The following LRRTM4 variants were observed in gnomAD, a reference collection of about 807,000 sequenced individuals.
The protein encoded by LRRTM4 is leucine-rich repeat transmembrane neuronal protein 4.
A neutral mutation model predicts 47.6 loss-of-function variants in LRRTM4; 25 were observed. The observed-to-expected ratio is 0.53, with a 90% confidence interval of 0.38 to 0.73. The LOEUF (loss-of-function observed/expected upper bound fraction) is 0.73, where lower values mean the gene tolerates loss of function less well. LRRTM4 is among the 30% of genes least tolerant of loss of function. The pLI, the probability that LRRTM4 is intolerant of heterozygous loss-of-function variation, is 0.00. For missense variants in LRRTM4, 638 were observed against 713.4 expected, an observed-to-expected ratio of 0.89 and a Z score of 1.20; for synonymous variants, 311 against 269.5, an observed-to-expected ratio of 1.15 and a Z score of -1.51.
intron 3 of LRRTM4, among the ~76,000 whole-genome samples, chr2:77,138,658 C>T (rs190858523): frequency 2.6e-4 from 40 of 152,130 alleles, no homozygotes; most frequent in African/African-American, 8.4e-4. Context: ...TATAAAAAAC[C>T]CTTCAAAAAA....
intron 3 of LRRTM4, among the ~76,000 whole-genome samples, chr2:77,362,146 A>AAAGAAAGAAAGAAAGAAAGAAAGGAAGG (rs1558707350): frequency 2.2e-5 from 3 of 137,288 alleles, no homozygotes; most frequent in African/African-American, 1.0e-4. Context: ...AGAAAGAAAG[A>AAAGAAAGAAAGAAAGAAAGAAAGGAAGG]AAGAAAGAAA....
chr2:77,143,710 C>A (rs1672185314), intron 3 of LRRTM4, among the ~76,000 whole-genome samples: 1 of 152,060 alleles, frequency 6.6e-6, no homozygotes, highest in Non-Finnish European at 1.5e-5. Context: ...AGAGAAACAC[C>A]AATCAACTCA....
chr2:76,939,153 G>GA (rs34196243), intron 3 of LRRTM4, among the ~76,000 whole-genome samples: 44,233 of 150,656 alleles, frequency 0.29, 8,311 homozygotes, highest in African/African-American at 0.54. Context: ...ACCTGTTACT[G>GA]AAAAAAAAAT....
chr2:77,462,157 C>T (rs1334283464), intron 3 of LRRTM4, among the ~76,000 whole-genome samples: 2 of 152,028 alleles, frequency 1.3e-5, no homozygotes, highest in African/African-American at 4.8e-5. Context: ...TCTTATTATG[C>T]CCTATTGTAA....
chr2:77,189,107 A>T (rs1236970720), intron 3 of LRRTM4, among the ~76,000 whole-genome samples: 1 of 149,778 alleles, frequency 6.7e-6, no homozygotes, highest in African/African-American at 2.5e-5. Flanking sequence ...AACAAATTTC[A>T]AATAAAAAAA....
At chr2:77,292,287 G>A (rs1676846868) in intron 3 of LRRTM4, among the ~76,000 whole-genome samples, 4 of 150,898 alleles carry the variant, frequency 2.7e-5, no homozygotes, top group Admixed American at 2.0e-4. Flanking sequence ...AAGTCAGTGT[G>A]GTGATTCCTC....
At chr2:76,798,210 C>T (rs1219300684) in intron 3 of LRRTM4, among the ~76,000 whole-genome samples, 2 of 152,212 alleles carry the variant, frequency 1.3e-5, no homozygotes, top group Middle Eastern at 3.4e-3. Context: ...GTAAAGCTCT[C>T]CTCAGAAAAT....
At chr2:76,793,262 T>C (rs1173583563) in intron 3 of LRRTM4, among the ~76,000 whole-genome samples, 1 of 152,186 alleles carries the variant, frequency 6.6e-6, no homozygotes, top group Non-Finnish European at 1.5e-5. Context: ...CCTTTCCCAG[T>C]ATCAGAGTGT....
chr2:77,328,379 A>T (rs1050359112), intron 3 of LRRTM4, among the ~76,000 whole-genome samples: 1 of 152,304 alleles, frequency 6.6e-6, no homozygotes, highest in South Asian at 2.1e-4. Context: ...TGATTTTTCC[A>T]TGGAGAATCC....
intron 3 of LRRTM4, among the ~76,000 whole-genome samples, chr2:77,290,935 C>G (rs938435377): frequency 6.6e-6 from 1 of 152,028 alleles, no homozygotes; most frequent in Non-Finnish European, 1.5e-5. Context: ...TCTTCCAGTT[C>G]AAGCATCTTC....
intron 3 of LRRTM4, among the ~76,000 whole-genome samples, chr2:77,114,778 T>C (rs183358855): frequency 5.3e-5 from 8 of 152,124 alleles, no homozygotes; most frequent in Admixed American, 2.0e-4. Flanking sequence ...AAGTTTTTAT[T>C]AGGGATTTTA....
In LRRTM4 at chr2:76,775,323, T is replaced by C. The variant is rs760610392; in HGVS notation, c.1552-26407A>G. ...GCAATCCTTTCTATATAGTACCATG[T>C]GTAATGAGTCTGAAAGGTCCTTATG... On this transcript the variant is annotated intron_variant, in intron 3 of 3. Coordinates refer to ENST00000409884, the MANE Select transcript of LRRTM4 (RefSeq NM_001134745.3). 3.3e-5 allele frequency among the ~76,000 whole-genome samples: 5 copies of C among 152,264 alleles called. 2 individuals are homozygous for C. Among genetic ancestry groups the C allele is most frequent in the Admixed American group, 3.3e-4 (5 of 15,288 alleles).
intron 3 of LRRTM4, among the ~76,000 whole-genome samples, chr2:77,006,300 C>A (rs1900343): frequency 0.027 from 4,071 of 152,150 alleles, 211 homozygotes; most frequent in African/African-American, 0.093. Context: ...TAATTTCGAA[C>A]CTAAGCCTTT....
chr2:77,095,480 A>G (rs995588259), intron 3 of LRRTM4, among the ~76,000 whole-genome samples: 2 of 151,674 alleles, frequency 1.3e-5, no homozygotes, highest in Admixed American at 6.6e-5. Context: ...TATTCATAAT[A>G]ACCAAAATAT....
chr2:77,049,174 C>CACT (rs1553377488), intron 3 of LRRTM4, among the ~76,000 whole-genome samples: 2,033 of 114,132 alleles, frequency 0.018, 65 homozygotes, highest in African/African-American at 0.055. Flanking sequence ...ACACACACAC[C>CACT]ACATTTTCTT....
intron 3 of LRRTM4, among the ~76,000 whole-genome samples, chr2:77,048,840 G>A (rs1679319547): frequency 6.6e-6 from 1 of 151,198 alleles, no homozygotes; most frequent in African/African-American, 2.4e-5. Context: ...ACACCCTATA[G>A]TGCTATAGAA....
chr2:76,839,477 C>T (rs935975324), intron 3 of LRRTM4, among the ~76,000 whole-genome samples: 2 of 152,056 alleles, frequency 1.3e-5, no homozygotes, highest in Non-Finnish European at 2.9e-5. Flanking sequence ...AATTTACAAG[C>T]AATATCTTTT....
At chr2:77,357,498 T>G (rs993099148) in intron 3 of LRRTM4, among the ~76,000 whole-genome samples, 1 of 152,162 alleles carries the variant, frequency 6.6e-6, no homozygotes, top group African/African-American at 2.4e-5. Context: ...ATGAAAAGCA[T>G]CTAGTTAGGC....
In LRRTM4 at chr2:77,408,194, G is replaced by A. The variant is rs181975841; in HGVS notation, c.1551+110124C>T. Among the ~76,000 whole-genome samples the A allele has an allele frequency of 3.4e-3, 517 of 152,220 alleles. 2 individuals are homozygous for A. Among genetic ancestry groups the A allele is most frequent in the African/African-American group, 0.012 (498 of 41,548 alleles). ...CCTTTAATCCTGCCCCCCAGGGGGA[G>A]TGCTTTTTCCTGTTTACGTTTGTTT... On this transcript the variant is annotated intron_variant, in intron 3 of 3. Transcript: ENST00000409884.
Sources: allele counts gnomAD v4.1 joint callset (sites outside exome capture counted in the v4.1 genomes callset), GRCh38; gene constraint gnomAD v4.1.1; transcripts MANE v1.5; gene names NCBI Gene and HGNC (gene_info 2026-07-23, HGNC 2026-07-21).